TIAM1: variants seen among roughly 807,000 people sequenced by gnomAD.
TIAM1 encodes the protein TIAM Rac1 associated GEF 1.
Under a neutral mutation model 163.5 loss-of-function variants are expected in TIAM1, and 65 were observed. The ratio of observed to expected loss-of-function variants is 0.40; its 90% CI spans 0.33 to 0.49. TIAM1 has a LOEUF of 0.49. Among genes scored for constraint, TIAM1 ranks in the 20% least tolerant of loss-of-function variants. The probability of loss-of-function intolerance (pLI) is 0.77; values close to 1 mark genes in which losing one functional copy is unlikely to be tolerated. For missense variants in TIAM1, 1,789 were observed against 2,044.7 expected (o/e 0.87, Z 2.41); for synonymous variants, 833 against 810.1 (o/e 1.03, Z -0.48).
intron 12 of TIAM1, among the ~76,000 whole-genome samples, chr21:31,197,444 C>T (rs1436189943): frequency 1.3e-5 from 2 of 148,542 alleles, no homozygotes; most frequent in Admixed American, 6.7e-5. Flanking sequence ...GGTGTGATCT[C>T]GGCTCACTGC....
At chr21:31,480,006 T>A (rs903711828) in intron 1 of TIAM1, among the ~76,000 whole-genome samples, 2 of 152,362 alleles carry the variant, frequency 1.3e-5, no homozygotes, top group East Asian at 3.9e-4. Context: ...TAGTCAGCCC[T>A]GCTAAAGCAT....
At chr21:31,168,864 A>G (rs1252684538) in intron 15 of TIAM1, among the ~76,000 whole-genome samples, 1 of 152,250 alleles carries the variant, frequency 6.6e-6, no homozygotes, top group Non-Finnish European at 1.5e-5. Context: ...CCATATTATA[A>G]AACACAAGAG....
chr21:31,318,426 CAA>C (rs559218258), intron 2 of TIAM1, among the ~76,000 whole-genome samples: 19 of 152,276 alleles, frequency 1.2e-4, no homozygotes, highest in African/African-American at 4.3e-4. Flanking sequence ...TTCTGTCATT[CAA>C]AGTGAATTTC....
intron 2 of TIAM1, among the ~76,000 whole-genome samples, chr21:31,427,736 A>AG (rs1451665056): frequency 1.3e-5 from 2 of 152,080 alleles, no homozygotes; most frequent in East Asian, 3.9e-4. Flanking sequence ...CAGGAGGCTG[A>AG]GGCGGGAGGA....
intron 1 of TIAM1, among the ~76,000 whole-genome samples, chr21:31,515,020 G>A (rs1470897498): frequency 2.0e-5 from 3 of 152,184 alleles, no homozygotes; most frequent in African/African-American, 4.8e-5. Flanking sequence ...GTAGGCAGAC[G>A]GGCCTTGCCT....
chr21:31,348,614 A>G (rs1054467343), upstream of TIAM1, among the ~76,000 whole-genome samples: 11 of 152,340 alleles, frequency 7.2e-5, no homozygotes, highest in Non-Finnish European at 1.5e-4. Flanking sequence ...TGCCAAAATC[A>G]ATTTTTTATA....
intron 2 of TIAM1, among the ~76,000 whole-genome samples, chr21:31,302,969 C>T (rs2074559238): frequency 6.6e-6 from 1 of 152,156 alleles, no homozygotes; most frequent in African/African-American, 2.4e-5. Context: ...ATTTCCTAAT[C>T]AGCTGCAACC....
chr21:31,445,615 A>G (rs1001221938), intron 2 of TIAM1, among the ~76,000 whole-genome samples: 2 of 152,138 alleles, frequency 1.3e-5, no homozygotes, highest in African/African-American at 4.8e-5. Context: ...TACCCTGCAG[A>G]AATCTCAGGC....
intron 2 of TIAM1, among the ~76,000 whole-genome samples, chr21:31,282,344 A>G (rs189917465): frequency 8.7e-4 from 133 of 152,330 alleles, no homozygotes; most frequent in African/African-American, 2.9e-3. Context: ...ATTTTTTTAA[A>G]AACCGCAATT....
At chr21:31,153,897 C>CAA (rs58362576) in intron 17 of TIAM1, among the ~76,000 whole-genome samples, 9 of 149,732 alleles carry the variant, frequency 6.0e-5, no homozygotes, top group Admixed American at 1.3e-4. Context: ...CTCCTCTCTA[C>CAA]AAAAAAAAAC....
chr21:31,473,429 CAAAAAAAAAAAAAAAAAAAAAAAAA>C (rs56691495), intron 1 of TIAM1, among the ~76,000 whole-genome samples: 4 of 75,682 alleles, frequency 5.3e-5, no homozygotes, highest in Non-Finnish European at 2.7e-5. Flanking sequence ...GACTCCATCT[CAAAAAAAAAAAAAAAAAAAAAAAAA>C]AAAAAAAAAA....
intron 1 of TIAM1, among the ~76,000 whole-genome samples, chr21:31,554,031 C>T (rs1183899552): frequency 3.3e-5 from 5 of 152,212 alleles, no homozygotes; most frequent in South Asian, 2.1e-4. Context: ...CCTATGTTTA[C>T]AAGGTTAGCA....
intron 2 of TIAM1, among the ~76,000 whole-genome samples, chr21:31,299,198 T>C (rs1248137099): frequency 3.9e-5 from 6 of 152,234 alleles, no homozygotes; most frequent in African/African-American, 1.2e-4. Context: ...TATAATATGA[T>C]AGGCATATTT....
chr21:31,337,659 G>A (rs2032104), intron 2 of TIAM1, among the ~76,000 whole-genome samples: 1,625 of 151,770 alleles, frequency 0.011, 58 homozygotes, highest in Admixed American at 0.066. Context: ...AGCCTCCCGC[G>A]TAGCTGAGAT....
chr21:31,196,194 A>G (rs1027916524), intron 12 of TIAM1, among the ~76,000 whole-genome samples: 2 of 152,236 alleles, frequency 1.3e-5, no homozygotes, highest in Non-Finnish European at 2.9e-5. Context: ...AGAGAAATGT[A>G]AACCAAAACC....
At chr21:31,410,341 AGTGT>A (rs370918419) in intron 2 of TIAM1, among the ~76,000 whole-genome samples, 70 of 151,354 alleles carry the variant, frequency 4.6e-4, no homozygotes, top group Non-Finnish European at 7.5e-4. Flanking sequence ...GGAGACTGCG[AGTGT>A]GTGTGTGTAT....
At chr21:31,138,247 G>A (rs548941863) in intron 22 of TIAM1, among the ~76,000 whole-genome samples, 2 of 152,154 alleles carry the variant, frequency 1.3e-5, no homozygotes, top group South Asian at 4.1e-4. Flanking sequence ...ACTCCCCAGA[G>A]TTTAACATGG....
chr21:31,559,005 A>T (rs1215028990), upstream of TIAM1: 1 of 151,576 alleles, frequency 6.6e-6, no homozygotes, highest in Non-Finnish European at 1.5e-5. Context: ...TGCGGGCGCC[A>T]AGGCGTCCGC....
intron 4 of TIAM1, among the ~76,000 whole-genome samples, chr21:31,254,143 A>G (rs2071965168): frequency 6.6e-6 from 1 of 152,248 alleles, no homozygotes; most frequent in Non-Finnish European, 1.5e-5. Context: ...TACACAGGTA[A>G]CATCCCTATT....
Sources: allele counts gnomAD v4.1 joint callset (sites outside exome capture counted in the v4.1 genomes callset), GRCh38; gene constraint gnomAD v4.1.1; transcripts MANE v1.5; gene names NCBI Gene and HGNC (gene_info 2026-07-23, HGNC 2026-07-21).